RELB: variants seen among roughly 807,000 people sequenced by gnomAD.
RELB encodes the protein RELB proto-oncogene, NF-kB subunit.
RELB carries 14 observed loss-of-function variants against 55.4 expected under a neutral mutation model. That is an observed-to-expected ratio of 0.25 (90% CI 0.17 to 0.40). The LOEUF is 0.40. Among genes scored for constraint, RELB ranks in the 10% least tolerant of loss-of-function variants. The probability of loss-of-function intolerance (pLI) is 1.00; values close to 1 mark genes in which losing one functional copy is unlikely to be tolerated. For missense variants in RELB, 669 were observed against 830.7 expected, an observed-to-expected ratio of 0.81 and a Z score of 2.39; for synonymous variants, 409 against 371.3, an observed-to-expected ratio of 1.10 and a Z score of -1.17.
At chr19:45,013,123 A>G (rs1971382836) in intron 4 of RELB, among the ~76,000 whole-genome samples, 1 of 151,988 alleles carries the variant, frequency 6.6e-6, no homozygotes, top group Non-Finnish European at 1.5e-5. Context: ...GCAGGGTATT[A>G]ATGTATTAAT....
chr19:45,015,739 AAAAAAAAG>A (rs945335117), intron 4 of RELB, among the ~76,000 whole-genome samples: 97 of 116,748 alleles, frequency 8.3e-4, no homozygotes, highest in African/African-American at 3.0e-3. Context: ...TATCTCAAAA[AAAAAAAAG>A]AAAAAAGAAA....
Position 45,004,271 on chromosome 19 carries a change from G to A in RELB, c.154+1275G>A, listed in dbSNP as rs1193554496. 3.5e-5 allele frequency among the ~76,000 whole-genome samples: 5 copies of A among 143,730 alleles called. 1 individual carries two copies. The Admixed American group carries it at 3.6e-4, about 10-fold the overall frequency. The allele number at this position is 143,730 out of a possible 152,430, so 94.3% of individuals were successfully genotyped here. ...GAGTTTCATTCCTGTTGCCCAGGCT[G>A]GAGTACAATGGCGCGATCTCGGCTC... On this transcript the variant is annotated intron_variant, in intron 2 of 11. Coordinates refer to ENST00000221452, the MANE Select transcript of RELB (RefSeq NM_006509.4).
Position 45,037,679 on chromosome 19 carries a change from C to T in RELB, c.1629C>T (p.Gly543=). The change falls in exon 12 of 12, where the codon GGC becomes GGT. Residue 543 remains glycine (G), a synonymous_variant. Coordinates refer to ENST00000221452, the MANE Select transcript of RELB (RefSeq NM_006509.4). ...CACTGGACTCGTACCAGGCCCCGGG[C>T]CCCGGGGATGGAGGCACCGCCAGCC... ...PLTLDSYQAP[G]PGDGGTASLV... 6.4e-7 allele frequency: 1 copy of T among 1,566,318 alleles called. No individual in the cohort carries two copies. Among genetic ancestry groups the T allele is most frequent in the South Asian group, 1.2e-5 (1 of 86,660 alleles).
rs540044500 is a variant in RELB at position 45,021,643 on chromosome 19, C to G, written c.505-410C>G. ...AGGCTGGAGTGCAGTGTCAAGAACT[C>G]GGCTCACTGCATCCTCCGCCTCCCA... On this transcript the variant is annotated intron_variant, in intron 4 of 11. Transcript: ENST00000221452. Among the ~76,000 whole-genome samples the G allele has an allele frequency of 6.7e-5, 8 of 119,352 alleles. No individual in the cohort carries two copies. The East Asian group carries it at 1.1e-3, about 17-fold the overall frequency. 78.3% of individuals were successfully genotyped at this position (119,352 alleles called of 152,430 possible).
intron 2 of RELB, chr19:45,008,866 G>A (rs1270047353): frequency 2.7e-5 from 6 of 223,976 alleles, no homozygotes; most frequent in Non-Finnish European, 5.7e-5. Context: ...TGGAATGACG[G>A]GAGGTCGGTT....
At chr19:45,037,138 G>C (rs1365906808) in intron 11 of RELB, among the ~76,000 whole-genome samples, 1 of 152,074 alleles carries the variant, frequency 6.6e-6, no homozygotes, top group Admixed American at 6.6e-5. Flanking sequence ...AATTAGCTGG[G>C]CATGGCACAT....
intron 4 of RELB, among the ~76,000 whole-genome samples, chr19:45,016,188 T>G (rs1971419627): frequency 6.6e-6 from 1 of 151,868 alleles, no homozygotes; most frequent in South Asian, 2.1e-4. Context: ...TTTCACCATG[T>G]TGGCCAGGCT....
chr19:45,025,725 G>C lies in RELB; in HGVS notation c.874G>C (p.Val292Leu). The change falls in exon 7 of 12, where the codon GTC (valine) becomes CTC (leucine). Residue 292 changes from valine (V) to leucine (L), a missense_variant. Physicochemically the swap from Val to Leu is conservative, Grantham distance 32 (BLOSUM62 1). Around this residue, in one of 3 missense-constraint regions of RELB, gnomAD observed 341 missense variants for 436.8 expected, o/e 0.78. Transcript: ENST00000221452. Reference sequence around the variant, plus strand: ...GATGGATCCTGTGCTTTCCGAGCCCGTCTATGACAAGAGTGAGTTGAGAGT... The same window carrying C: ...GATGGATCCTGTGCTTTCCGAGCCCCTCTATGACAAGAGTGAGTTGAGAGT... ...RRMDPVLSEP[V>L]YDKKSTNTSE... 6.2e-7 allele frequency: 1 copy of C among 1,613,960 alleles called. No individual in the cohort carries two copies. Among genetic ancestry groups the C allele is most frequent in the East Asian group, 2.2e-5 (1 of 44,880 alleles).
intron 11 of RELB, among the ~76,000 whole-genome samples, chr19:45,035,452 A>C (rs1182793408): frequency 1.3e-5 from 2 of 151,974 alleles, no homozygotes; most frequent in African/African-American, 4.8e-5. Flanking sequence ...CAGGAGGTGA[A>C]GGTTGCAGTG....
At chr19:45,010,016 C>T (rs920917359) in intron 3 of RELB, among the ~76,000 whole-genome samples, 194 bp downstream of exon 3, 4 of 151,990 alleles carry the variant, frequency 2.6e-5, no homozygotes, top group South Asian at 2.1e-4. Flanking sequence ...ACACTCAGCA[C>T]GCCGGGGGCT....
At chr19:45,029,435 G>T (rs1971595794) in intron 8 of RELB, among the ~76,000 whole-genome samples, 1 of 152,136 alleles carries the variant, frequency 6.6e-6, no homozygotes, top group African/African-American at 2.4e-5. Context: ...AAAGACAGCT[G>T]GTCACCGTGG....
At chr19:45,032,387 C>T (rs1248533383) in intron 8 of RELB, 147 bp from the exon 9 acceptor site, 1 of 636,092 alleles carries the variant, frequency 1.6e-6, no homozygotes, top group Non-Finnish European at 2.8e-6. Context: ...CCATTGCACT[C>T]CAGCCTGGGC....
chr19:45,013,296 C>A (rs371200551), intron 4 of RELB, among the ~76,000 whole-genome samples: 1 of 151,698 alleles, frequency 6.6e-6, no homozygotes, highest in Non-Finnish European at 1.5e-5. Flanking sequence ...TCCACCACCA[C>A]GCCTGGCTAA....
chr19:45,026,009 A>T (rs535299516), intron 7 of RELB, among the ~76,000 whole-genome samples: 1 of 152,210 alleles, frequency 6.6e-6, no homozygotes, highest in African/African-American at 2.4e-5. Flanking sequence ...TGGGAGGCCA[A>T]GGCGGGCAGG....
At chr19:45,008,981 G>A (rs1971316624) in intron 2 of RELB, among the ~76,000 whole-genome samples, 1 of 152,200 alleles carries the variant, frequency 6.6e-6, no homozygotes, top group African/African-American at 2.4e-5. Flanking sequence ...AGGAAGCAGG[G>A]GTGAATCTGG....
At position 45,025,724 on chromosome 19, in the gene RELB, C is replaced by G. The variant is rs543922698; in HGVS notation, c.873C>G (p.Pro291=). The G allele has an allele frequency of 6.2e-7, 1 of 1,613,926 alleles. No homozygotes were observed. The highest frequency in any genetic ancestry group is 8.5e-7 in the Non-Finnish European group (1 of 1,179,860). Residue 291 remains proline (P), a synonymous_variant, in exon 7 of 12, where the codon CCC becomes CCG. Transcript: ENST00000221452. ...MRRMDPVLSE[P]VYDKKSTNTS... is the part of the protein sequence containing the mutation. ...GGATGGATCCTGTGCTTTCCGAGCC[C>G]GTCTATGACAAGAGTGAGTTGAGAG...
Position 45,001,817 on chromosome 19 carries a change from G to A in RELB, c.106+132G>A. On this transcript the variant is annotated intron_variant, in intron 1 of 11. Transcript: ENST00000221452. The stretch of plus-strand genomic sequence containing the variant: ...TCGCGGGGGCAGAGTGAGGGTTCCT[G>A]AGACACTGTATTAGGGCGTAGGAAG... 3.6e-6 allele frequency: 2 copies of A among 553,398 alleles called. 1 individual carries two copies. The highest frequency in any genetic ancestry group is 6.2e-6 in the Non-Finnish European group (2 of 320,630). The allele number at this position is 553,398 out of a possible 1,614,324, so 34.3% of individuals were successfully genotyped here. A position where few individuals can be genotyped will look rare whatever the true frequency, so the allele number is the denominator to read the frequency against.
chr19:45,017,605 G>C (rs777368900), intron 4 of RELB, among the ~76,000 whole-genome samples: 12 of 151,068 alleles, frequency 7.9e-5, no homozygotes, highest in Non-Finnish European at 1.6e-4. Context: ...AGGTATAATT[G>C]ATGTAAGAAA....
Position 45,012,198 on chromosome 19 carries a change from C to T in RELB, c.426C>T (p.Tyr142=), listed in dbSNP as rs770603208. The T allele has an allele frequency of 1.3e-5, 20 of 1,526,664 alleles. No homozygotes were observed. The highest frequency in any genetic ancestry group is 5.2e-5 in the East Asian group (2 of 38,756). The allele number at this position is 1,526,664 out of a possible 1,614,324, so 94.6% of individuals were successfully genotyped here. A position where few individuals can be genotyped will look rare whatever the true frequency, so the allele number is the denominator to read the frequency against. The change falls in exon 4 of 12, where the codon TAC becomes TAT. Residue 142 remains tyrosine, a synonymous_variant. Transcript: ENST00000221452. ...AGCAGCGCGGCATGCGCTTCCGCTA[C>T]GAGTGCGAGGGCCGCTCGGCCGGCA... The part of the protein sequence containing the change: ...QPKQRGMRFR[Y]ECEGRSAGSI...
Sources: allele counts gnomAD v4.1 joint callset (sites outside exome capture counted in the v4.1 genomes callset), GRCh38; gene constraint gnomAD v4.1.1; regional missense constraint gnomAD v4.1.1; transcripts MANE v1.5; gene names NCBI Gene and HGNC (gene_info 2026-07-23, HGNC 2026-07-21).